DNM1L: variants seen among roughly 807,000 people sequenced by gnomAD.
The protein encoded by DNM1L is dynamin-1-like protein.
Under a neutral mutation model 92.8 loss-of-function variants are expected in DNM1L, and 33 were observed. The observed-to-expected ratio is 0.36, with a 90% CI of 0.27 to 0.48. DNM1L has a LOEUF of 0.48. Ranked by LOEUF, DNM1L falls within the 20% of genes least tolerant of loss-of-function variation. The probability of loss-of-function intolerance (pLI) is 0.99; values close to 1 mark genes in which losing one functional copy is unlikely to be tolerated. For synonymous variants in DNM1L, 284 were observed against 305.0 expected (o/e 0.93, Z 0.72); for missense variants, 485 against 888.8 (o/e 0.55, Z 5.78).
chr12:32,717,818 AAAAT>A (rs1387646310), intron 6 of DNM1L, among the ~76,000 whole-genome samples: 2 of 88,352 alleles, frequency 2.3e-5, no homozygotes, highest in African/African-American at 4.7e-5. Context: ...TATATACTAT[AAAAT>A]ATATATAGTA....
At chr12:32,722,685 T>C (rs1238998655) in intron 9 of DNM1L, 52 bp downstream of exon 9, 7 of 1,400,650 alleles carry the variant, frequency 5.0e-6, no homozygotes, top group Non-Finnish European at 7.0e-6. Context: ...CTAGGTCACT[T>C]TTCCTTTTGT....
intron 13 of DNM1L, among the ~76,000 whole-genome samples, chr12:32,735,040 A>G (rs963645459): frequency 6.6e-6 from 1 of 152,246 alleles, no homozygotes; most frequent in African/African-American, 2.4e-5. Context: ...TATGTTAAAA[A>G]TTAGCATGTA....
chr12:32,738,405 C>A, intron 16 of DNM1L, 109 bp downstream of exon 16: 1 of 1,222,916 alleles, frequency 8.2e-7, no homozygotes, highest in Non-Finnish European at 1.2e-6. Context: ...TATCTCTTGT[C>A]TGTGTTATGT....
intron 9 of DNM1L, chr12:32,727,270 CAT>C: frequency 6.9e-7 from 1 of 1,444,840 alleles, no homozygotes; most frequent in South Asian, 1.1e-5. Context: ...TGAACTTCCT[CAT>C]AGAATTTGGC....
intron 6 of DNM1L, among the ~76,000 whole-genome samples, chr12:32,716,742 G>GTATATA (rs71447619): frequency 0.026 from 3,627 of 139,106 alleles, 50 homozygotes; most frequent in Non-Finnish European, 0.032. Flanking sequence ...ACTATATATA[G>GTATATA]TATATATATA....
rs368997913 is a variant in DNM1L at position 32,740,271 on chromosome 12, A to T, written c.1884+31A>T. On this transcript the variant is annotated intron_variant, in intron 17 of 19. Transcript: ENST00000549701. ...CCATGACAATTTGGTTTAGGTAATA[A>T]GGTAGGTGACCAAGTTAGTAGGAAA... 5.0e-6 allele frequency: 8 copies of T among 1,614,066 alleles called. No homozygotes were observed. In the African/African-American group the frequency reaches 1.1e-4, roughly 22 times the overall value.
chr12:32,706,930 A>G (rs1592602018), intron 2 of DNM1L: 1 of 248,724 alleles, frequency 4.0e-6, no homozygotes, highest in Non-Finnish European at 8.0e-6. Flanking sequence ...TGTTTTTTGC[A>G]CTACTCAGTG....
intron 3 of DNM1L, 112 bp from the exon 4 acceptor site, chr12:32,708,041 A>G: frequency 1.6e-6 from 1 of 634,368 alleles, no homozygotes; most frequent in Non-Finnish European, 2.8e-6. Context: ...AATTTTATTT[A>G]TTTTCTGAAG....
intron 5 of DNM1L, among the ~76,000 whole-genome samples, chr12:32,711,864 C>T (rs146589732): frequency 1.3e-5 from 2 of 152,256 alleles, no homozygotes; most frequent in Non-Finnish European, 2.9e-5. Context: ...ACCTGGCCAA[C>T]AGAGTGAGAC....
chr12:32,725,899 C>T (rs1954102375), intron 9 of DNM1L, among the ~76,000 whole-genome samples: 1 of 149,484 alleles, frequency 6.7e-6, no homozygotes, highest in Admixed American at 6.7e-5. Context: ...GCCACCGCGA[C>T]TGGCATGCCG....
intron 1 of DNM1L, among the ~76,000 whole-genome samples, chr12:32,699,105 A>G (rs964158995): frequency 6.6e-6 from 1 of 152,184 alleles, no homozygotes; most frequent in Non-Finnish European, 1.5e-5. Context: ...GCATGCCACA[A>G]TGTTTAGAGT....
chr12:32,735,729 A>G (rs542100625), intron 13 of DNM1L, among the ~76,000 whole-genome samples: 2 of 152,066 alleles, frequency 1.3e-5, no homozygotes, highest in African/African-American at 4.8e-5. Flanking sequence ...AAATAGAAAA[A>G]TTAGCCGGGG....
rs746248565 is a variant in DNM1L, at chr12:32,713,203, G to C, written c.457-6G>C. ...TTAGTTCCTTGCTCATCTCTGTTTG[G>C]TTTAGGTGCCTGTAGGTGATCAACC... On this transcript the variant is annotated splice_polypyrimidine_tract_variant and splice_region_variant and intron_variant, in intron 5 of 19. Coordinates refer to ENST00000549701, the MANE Select transcript of DNM1L (RefSeq NM_012062.5). The C allele has an allele frequency of 6.2e-7, 1 of 1,613,762 alleles. No homozygotes were observed. The highest frequency in any genetic ancestry group is 8.5e-7 in the Non-Finnish European group (1 of 1,179,908).
chr12:32,733,024 T>C (rs1592667949), intron 12 of DNM1L, among the ~76,000 whole-genome samples: 1 of 152,116 alleles, frequency 6.6e-6, no homozygotes, highest in Non-Finnish European at 1.5e-5. Context: ...CACTTGAACC[T>C]GGGAGGTGGA....
intron 2 of DNM1L, chr12:32,706,715 T>TG (rs748196561): frequency 2.2e-6 from 1 of 454,776 alleles, no homozygotes; most frequent in Non-Finnish European, 4.4e-6. Flanking sequence ...GTCTTGACCC[T>TG]GGGGGAAAAT....
chr12:32,680,652 A>G (rs1951769986), intron 1 of DNM1L, among the ~76,000 whole-genome samples: 1 of 152,202 alleles, frequency 6.6e-6, no homozygotes, highest in Non-Finnish European at 1.5e-5. Flanking sequence ...TATTTGTAAC[A>G]ATATTTGTAA....
At chr12:32,709,184 T>C (rs946828197) in intron 4 of DNM1L, among the ~76,000 whole-genome samples, 15 of 152,232 alleles carry the variant, frequency 9.9e-5, no homozygotes, top group African/African-American at 3.6e-4. Flanking sequence ...CTACTGCTAC[T>C]GTTGCCATAC....
chr12:32,709,764 A>G (rs1304510911), intron 4 of DNM1L, among the ~76,000 whole-genome samples: 1 of 152,232 alleles, frequency 6.6e-6, no homozygotes, highest in Non-Finnish European at 1.5e-5. Flanking sequence ...TTGGACTGAT[A>G]GGGGAATGCC....
intron 6 of DNM1L, among the ~76,000 whole-genome samples, chr12:32,717,495 A>G (rs1363515953): frequency 1.8e-5 from 2 of 113,684 alleles, no homozygotes; most frequent in East Asian, 2.3e-4. Context: ...TATATATAGT[A>G]TATATATATA....
Sources: allele counts gnomAD v4.1 joint callset (sites outside exome capture counted in the v4.1 genomes callset), GRCh38; gene constraint gnomAD v4.1.1; transcripts MANE v1.5; gene names NCBI Gene and HGNC (gene_info 2026-07-23, HGNC 2026-07-21).